Variants in C12orf42 observed in about 807,000 individuals in gnomAD.
C12orf42 encodes chromosome 12 open reading frame 42.
A neutral mutation model predicts 21.6 loss-of-function variants in C12orf42; 25 were observed. The ratio of observed to expected loss-of-function variants is 1.16; its 90% CI spans 0.84 to 1.62. C12orf42 has a LOEUF of 1.62. Ranked by LOEUF, C12orf42 falls within the 40% of genes most tolerant of loss-of-function variation. The pLI is 0.00. For synonymous variants in C12orf42, 174 were observed against 175.0 expected (o/e 0.99, Z 0.05); for missense variants, 483 against 459.3 (o/e 1.05, Z -0.47).
intron 1 of C12orf42, among the ~76,000 whole-genome samples, chr12:103,488,855 C>CT (rs1176474443): frequency 6.6e-6 from 1 of 152,134 alleles, no homozygotes; most frequent in Non-Finnish European, 1.5e-5. Context: ...TTCGTCTAAC[C>CT]TTTTTTTAAG....
intron 5 of C12orf42, among the ~76,000 whole-genome samples, chr12:103,272,544 T>C (rs2035535056): frequency 6.6e-6 from 1 of 152,144 alleles, no homozygotes; most frequent in South Asian, 2.1e-4. Flanking sequence ...AAACTAGATT[T>C]CATTTAATAC....
the C12orf42 span, among the ~76,000 whole-genome samples, chr12:103,061,260 C>T: frequency 1.1e-3 from 160 of 152,278 alleles, no homozygotes; most frequent in Non-Finnish European, 1.9e-3. Flanking sequence ...TCTTAACTTC[C>T]CATTGGTCTT....
chr12:103,067,115 C>A, the C12orf42 span, among the ~76,000 whole-genome samples: 1 of 152,188 alleles, frequency 6.6e-6, no homozygotes, highest in Admixed American at 6.5e-5. Flanking sequence ...AATCAGCCAG[C>A]TACCTGATGG....
the C12orf42 span, among the ~76,000 whole-genome samples, chr12:103,084,456 G>GTA: frequency 9.2e-5 from 14 of 152,096 alleles, no homozygotes; most frequent in Non-Finnish European, 1.5e-4. Flanking sequence ...TGTTAGATAG[G>GTA]TATACACATG....
intron 10 of C12orf42, among the ~76,000 whole-genome samples, chr12:103,240,128 G>A (rs964648744): frequency 4.6e-5 from 7 of 151,918 alleles, no homozygotes; most frequent in Admixed American, 1.3e-4. Flanking sequence ...TATAATAAAC[G>A]TCAACATTTA....
At chr12:103,449,797 T>C (rs59523234) in intron 2 of C12orf42, among the ~76,000 whole-genome samples, 2,248 of 151,618 alleles carry the variant, frequency 0.015, 34 homozygotes, top group African/African-American at 0.034. Context: ...TTTTTTCTAG[T>C]TCCATTTGAA....
Position 103,430,439 on chromosome 12 carries a change from C to T in C12orf42, c.79-28764G>A, listed in dbSNP as rs533748957. On this transcript the variant is annotated intron_variant, in intron 2 of 5. Coordinates refer to ENST00000548883, the MANE Select transcript of C12orf42 (RefSeq NM_198521.5). ...TACCATCTCACACCAGTTAGAATGG[C>T]GATCATTAAAAAGTCAGGGAACAAC... Among the ~76,000 whole-genome samples the T allele has an allele frequency of 8.5e-5, 13 of 152,080 alleles. No homozygotes were observed. The South Asian group carries it at 2.1e-3, about 24-fold the overall frequency.
At chr12:103,126,761 G>A in the C12orf42 span, among the ~76,000 whole-genome samples, 115 of 151,072 alleles carry the variant, frequency 7.6e-4, no homozygotes, top group African/African-American at 2.7e-3. Context: ...AAGACTGTTC[G>A]CAAAAACTAC....
chr12:103,482,502 G>A lies in C12orf42; in HGVS notation c.-21-4055C>T, dbSNP rs113723660. Among the ~76,000 whole-genome samples, 1,293 of 152,060 alleles carry A rather than the reference G, an allele frequency of 8.5e-3. 19 individuals carry two copies. Among genetic ancestry groups the A allele is most frequent in the African/African-American group, 0.029 (1,207 of 41,518 alleles). ...ATTTTGTTTTGTTTCTAGTCTTCTC[G>A]CTTGTCCCTTCTGTGGCTTAAGATC... On this transcript the variant is annotated intron_variant, in intron 1 of 5. Transcript: ENST00000548883.
chr12:103,230,198 T>C, the C12orf42 span, among the ~76,000 whole-genome samples: 1 of 151,328 alleles, frequency 6.6e-6, no homozygotes, highest in Non-Finnish European at 1.5e-5. Context: ...CTCTGCTTGG[T>C]TTTCACATGG....
chr12:103,432,500 C>G (rs889559563), intron 2 of C12orf42, among the ~76,000 whole-genome samples: 3 of 152,168 alleles, frequency 2.0e-5, no homozygotes, highest in East Asian at 3.9e-4. Flanking sequence ...ACTTGATGTG[C>G]TGAAGAATTC....
chr12:103,302,545 G>T lies in C12orf42; in HGVS notation c.646C>A (p.Pro216Thr). The change falls in exon 6 of 6, where the codon CCT becomes ACT. Residue 216 changes from proline (P) to threonine (T), a missense_variant. Pro to Thr is a conservative substitution (Grantham distance 38). Coordinates refer to ENST00000548883, the MANE Select transcript of C12orf42 (RefSeq NM_198521.5). ...CTGCAGAGGCCGATGGCAGTGGAAG[G>T]TCTGGCGGCAGAACCTGGAAGGCAA... is the stretch of plus-strand genomic sequence containing the variant. ...PKKNSGSAAR[P>T]STAIGLCRRS... 1 of 1,607,274 alleles carries T rather than the reference G, an allele frequency of 6.2e-7. No individual in the cohort carries two copies. Among genetic ancestry groups the T allele is most frequent in the Non-Finnish European group, 8.5e-7 (1 of 1,176,874 alleles).
chr12:103,300,089 TG>T (rs1294624522), downstream of C12orf42, among the ~76,000 whole-genome samples: 6 of 152,338 alleles, frequency 3.9e-5, no homozygotes, highest in East Asian at 1.2e-3. Flanking sequence ...ACATAGACTT[TG>T]GTGTATTTAG....
chr12:103,197,362 C>T, the C12orf42 span, among the ~76,000 whole-genome samples: 1 of 152,094 alleles, frequency 6.6e-6, no homozygotes, highest in Admixed American at 6.6e-5. Flanking sequence ...GTTAATACTT[C>T]CGATTATATT....
In C12orf42 at chr12:103,447,121, G is replaced by A. The variant is rs748589441; in HGVS notation, c.78+31228C>T. Among the ~76,000 whole-genome samples the A allele has an allele frequency of 5.8e-4, 88 of 151,996 alleles. 1 individual carries two copies. Among genetic ancestry groups the A allele is most frequent in the Admixed American group, 9.8e-4 (15 of 15,236 alleles). On this transcript the variant is annotated intron_variant, in intron 2 of 5. Transcript: ENST00000548883. ...AGACCATGTGATAGGGCACAAAAAA[G>A]TCTCAGTAAATTTAAGAAAATCAAA...
At chr12:103,421,328 A>G (rs1050202648) in intron 2 of C12orf42, among the ~76,000 whole-genome samples, 1 of 152,164 alleles carries the variant, frequency 6.6e-6, no homozygotes, top group African/African-American at 2.4e-5. Context: ...TCACAACTTT[A>G]GGAGACCAAG....
chr12:103,373,632 C>A (rs954090724), intron 3 of C12orf42, among the ~76,000 whole-genome samples: 1 of 152,210 alleles, frequency 6.6e-6, no homozygotes, highest in South Asian at 2.1e-4. Context: ...GGAGTTTCTC[C>A]ATCTCAGTAT....
chr12:103,367,468 A>C (rs748029045), intron 4 of C12orf42, among the ~76,000 whole-genome samples: 3 of 151,824 alleles, frequency 2.0e-5, no homozygotes, highest in Non-Finnish European at 4.4e-5. Flanking sequence ...AAAATAAAGA[A>C]AGAAAAAAAA....
chr12:103,083,879 C>A, the C12orf42 span, among the ~76,000 whole-genome samples: 1 of 152,182 alleles, frequency 6.6e-6, no homozygotes, highest in Non-Finnish European at 1.5e-5. Context: ...ACCTCTCTAA[C>A]CTCCAGACTC....
Sources: gnomAD v4.1 joint callset for allele counts (sites outside exome capture counted in the v4.1 genomes callset) on GRCh38, gnomAD v4.1.1 for gene constraint, MANE v1.5 for transcripts, NCBI Gene and HGNC (gene_info 2026-07-23, HGNC 2026-07-21) for gene names.